Variants in SPOCD1 observed in about 807,000 individuals in gnomAD.
SPOCD1 encodes the protein SPOC domain containing 1, also known as SPOC domain-containing protein 1.
SPOCD1 carries 64 observed loss-of-function variants against 92.2 expected under a neutral mutation model. The observed-to-expected ratio is 0.69, with a 90% CI of 0.57 to 0.86. The LOEUF (loss-of-function observed/expected upper bound fraction) is 0.86. SPOCD1 is among the 40% of genes least tolerant of loss of function. SPOCD1 has a pLI of 0.00. For missense variants in SPOCD1, 1,360 were observed against 1,543.1 expected (o/e 0.88, Z 1.99); for synonymous variants, 578 against 619.3 (o/e 0.93, Z 0.99).
intron 2 of SPOCD1, among the ~76,000 whole-genome samples, chr1:31,809,301 G>C (rs1046353435): frequency 6.6e-6 from 1 of 152,166 alleles, no homozygotes; most frequent in Admixed American, 6.5e-5. Context: ...ACCTAAGTCT[G>C]CTACCATCAA....
chr1:31,798,893 C>T lies in SPOCD1; in HGVS notation c.1869-292G>A, dbSNP rs1046092564. The T allele has an allele frequency of 5.3e-6, 3 of 569,242 alleles. No homozygotes were observed. In the African/African-American group the frequency reaches 5.7e-5, roughly 11 times the overall value. The allele number at this position is 569,242 out of a possible 1,614,324, so 35.3% of individuals were successfully genotyped here. A position where few individuals can be genotyped will look rare whatever the true frequency, so the allele number is the denominator to read the frequency against. ...AAACTCGACTGTCTGACTCACCAGC[C>T]TGTGCCCCGTCTCTGGCTCACGGGA... On this transcript the variant is annotated intron_variant, in intron 7 of 15. Coordinates refer to ENST00000360482, the MANE Select transcript of SPOCD1 (RefSeq NM_144569.7). This position sits in a 1 kb window ranked among gnomAD's most constrained non-coding sequence, Gnocchi z 4.1.
Position 31,792,309 on chromosome 1 carries a change from G to T in SPOCD1, c.2868C>A (p.His956Gln). 1 of 1,613,970 alleles carries T rather than the reference G, an allele frequency of 6.2e-7. No homozygotes were observed. Among genetic ancestry groups the T allele is most frequent in the Non-Finnish European group, 8.5e-7 (1 of 1,180,006 alleles). The change falls in exon 15 of 16, where the codon CAC becomes CAA. Residue 956 changes from histidine (H) to glutamine (Q), a missense_variant. This residue lies in a region of SPOCD1 where 614 missense variants were observed against 757.8 expected (regional missense o/e 0.81). Coordinates refer to ENST00000360482, the MANE Select transcript of SPOCD1 (RefSeq NM_144569.7). ...LYSYLNDRQR[H>Q]GLASVEHMGM... ...CCATGTGCTCCACAGAGGCCAGCCC[G>T]TGGCGCTGCCTATCATTGAGGTATG...
At chr1:31,811,474 T>TAA (rs1010070864) in intron 2 of SPOCD1, among the ~76,000 whole-genome samples, 1 of 136,158 alleles carries the variant, frequency 7.3e-6, no homozygotes, top group Admixed American at 7.3e-5. Context: ...AAAAGTAAAT[T>TAA]AAAAAAAAAA....
At position 31,793,856 on chromosome 1, in the gene SPOCD1, C is replaced by T. The variant is rs780690142; in HGVS notation, c.2425G>A (p.Ala809Thr). 10 of 1,613,992 alleles carry T rather than the reference C, an allele frequency of 6.2e-6. No individual in the cohort carries two copies. Among genetic ancestry groups the T allele is most frequent in the South Asian group, 3.3e-5 (3 of 91,082 alleles). ...AAGATATTGTCCCCGCAGCTCTTGG[C>T]GGCTTCGAAGGAGCCTAGCAGCTCA... The part of the protein sequence containing the change: ...SNELLGSFEA[A>T]KSCGDNIFQK... Residue 809 changes from alanine to threonine, a missense_variant, in exon 12 of 16, where the codon GCC (alanine) becomes ACC (threonine). Transcript: ENST00000360482.
chr1:31,796,458 C>T (rs1358949602), intron 10 of SPOCD1, 132 bp downstream of exon 10: 1 of 1,401,322 alleles, frequency 7.1e-7, no homozygotes, highest in Non-Finnish European at 9.9e-7. Flanking sequence ...GATCGCTGTC[C>T]CCGTTTTATC....
rs1647508493 is a variant in SPOCD1, at chr1:31,790,577, AC to A, written c.*25del. The A allele has an allele frequency of 1.9e-6, 3 of 1,546,950 alleles. No homozygotes were observed. The highest frequency in any genetic ancestry group is 2.6e-6 in the Non-Finnish European group (3 of 1,143,880). ...CTTCAACACTAGTGAGGGCATCAAAACCCCTGTTCTGGTGGGTAAGGAGGGT... is the reference window on the plus strand; with the variant it reads ...CTTCAACACTAGTGAGGGCATCAAAACCCTGTTCTGGTGGGTAAGGAGGGT... On this transcript the variant is annotated 3_prime_UTR_variant, in exon 16 of 16. Coordinates refer to ENST00000360482, the MANE Select transcript of SPOCD1 (RefSeq NM_144569.7).
intron 10 of SPOCD1, 148 bp downstream of exon 10, chr1:31,796,442 G>A (rs956181407): frequency 8.8e-6 from 11 of 1,255,086 alleles, no homozygotes; most frequent in East Asian, 2.5e-5. Context: ...TCCCCTATGC[G>A]TTAAGGATCG....
intron 2 of SPOCD1, among the ~76,000 whole-genome samples, chr1:31,804,481 T>C (rs1047044366): frequency 6.6e-6 from 1 of 152,028 alleles, no homozygotes; most frequent in African/African-American, 2.4e-5. Context: ...AAGCAAAACA[T>C]AAAAAAATAA....
Position 31,810,457 on chromosome 1 carries a change from G to A in SPOCD1, c.1383+3494C>T, listed in dbSNP as rs547080207. ...TAGCCTTGACCTCCTGGAATCAGGT[G>A]ATCCTCTCACCTCAGCCTCCTGGGT... On this transcript the variant is annotated intron_variant, in intron 2 of 15. Coordinates refer to ENST00000360482, the MANE Select transcript of SPOCD1 (RefSeq NM_144569.7). 2.1e-4 allele frequency among the ~76,000 whole-genome samples: 32 copies of A among 151,346 alleles called. No individual in the cohort carries two copies. In the East Asian group the frequency reaches 6.2e-3, roughly 30 times the overall value.
rs1291001042 is a variant in SPOCD1, at chr1:31,794,245, A to C, written c.2272-10T>G. ...TGAACATCTGCGGTCCCTGGGAGGC[A>C]GAAGACAGAGGGGCAGGCTGAAAAC... On this transcript the variant is annotated splice_polypyrimidine_tract_variant and intron_variant, in intron 10 of 15. Coordinates refer to ENST00000360482, the MANE Select transcript of SPOCD1 (RefSeq NM_144569.7). The C allele has an allele frequency of 6.2e-7, 1 of 1,604,106 alleles. No homozygotes were observed. Among genetic ancestry groups the C allele is most frequent in the East Asian group, 2.2e-5 (1 of 44,554 alleles).
chr1:31,796,844 G>A lies in SPOCD1; in HGVS notation c.2146-129C>T, dbSNP rs560549030. 1.2e-4 allele frequency: 153 copies of A among 1,281,756 alleles called. No individual in the cohort carries two copies. The South Asian group carries it at 1.6e-3, about 13-fold the overall frequency. 79.4% of individuals were successfully genotyped at this position (1,281,756 alleles called of 1,614,324 possible). A position where few individuals can be genotyped will look rare whatever the true frequency, so the allele number is the denominator to read the frequency against. ...CCCTCTCCTCAAAACTTTTACTTCC[G>A]CCATACCCCTCCTCTGGGAAGCCCT... On this transcript the variant is annotated intron_variant, in intron 9 of 15. Transcript: ENST00000360482.
chr1:31,815,913 C>G (rs939945075), intron 1 of SPOCD1, 48 bp downstream of exon 1: 3 of 152,376 alleles, frequency 2.0e-5, no homozygotes, highest in African/African-American at 7.2e-5. Flanking sequence ...CTGGGACAGT[C>G]CCCCAGCATC....
chr1:31,814,533 C>T lies in SPOCD1; in HGVS notation c.801G>A (p.Gly267=). 6.5e-7 allele frequency: 1 copy of T among 1,534,110 alleles called. No homozygotes were observed. Among genetic ancestry groups the T allele is most frequent in the South Asian group, 1.3e-5 (1 of 77,670 alleles). ...CCCCACTTCCACCTGGCTCTCCAGG[C>T]CCAGACCCAGTGTCTTTTGGAGAGG... The part of the protein sequence containing the change: ...RPPSPKDTGS[G]PGEPGGSGAG... Residue 267 remains glycine (G), a synonymous_variant, in exon 2 of 16, where the codon GGG becomes GGA. Transcript: ENST00000360482. The surrounding 1 kb of genome is among the most constrained non-coding windows in gnomAD (Gnocchi z 4.2).
Position 31,814,800 on chromosome 1 carries a change from G to C in SPOCD1, c.534C>G (p.Asp178Glu). The change falls in exon 2 of 16, where the codon GAC (aspartate) becomes GAG (glutamate). Residue 178 changes from aspartate to glutamate, a missense_variant. Physicochemically the swap from Asp to Glu is conservative, Grantham distance 45. This residue lies in a region of SPOCD1 where 606 missense variants were observed against 601.5 expected (regional missense o/e 1.01). Transcript: ENST00000360482. The surrounding 1 kb of genome is among the most constrained non-coding windows in gnomAD (Gnocchi z 4.2). ...CTTTGCTGAGTGTGGGGCTTCTTCTGTCACACCCTGGAGAACTCATTCCAC... is the reference window on the plus strand; with the variant it reads ...CTTTGCTGAGTGTGGGGCTTCTTCTCTCACACCCTGGAGAACTCATTCCAC... The part of the protein sequence containing the change: ...RDGGMSSPGC[D>E]RRSPTLSKEE... 6.2e-7 allele frequency: 1 copy of C among 1,613,160 alleles called. No individual in the cohort carries two copies. The highest frequency in any genetic ancestry group is 8.5e-7 in the Non-Finnish European group (1 of 1,179,664).
chr1:31,812,460 A>G (rs899119408), intron 2 of SPOCD1, among the ~76,000 whole-genome samples: 3 of 152,202 alleles, frequency 2.0e-5, no homozygotes, highest in Admixed American at 1.3e-4. Context: ...ACCTTCAAAT[A>G]CTACGGAACT....
At chr1:31,799,376 A>G in intron 7 of SPOCD1, 25 bp downstream of exon 7, 2 of 1,591,548 alleles carry the variant, frequency 1.3e-6, no homozygotes, top group Non-Finnish European at 1.7e-6. Flanking sequence ...TTGGGATGTC[A>G]GGGGAGTGGG....
chr1:31,802,621 G>A (rs1648540700), intron 2 of SPOCD1, among the ~76,000 whole-genome samples: 1 of 152,214 alleles, frequency 6.6e-6, no homozygotes, highest in South Asian at 2.1e-4. Flanking sequence ...TATATTTACA[G>A]ATACATAATA....
At position 31,815,282 on chromosome 1, in the gene SPOCD1, T is replaced by C. The variant is rs764135033; in HGVS notation, c.52A>G (p.Ser18Gly). 7 of 1,590,824 alleles carry C rather than the reference T, an allele frequency of 4.4e-6. No individual in the cohort carries two copies. In the African/African-American group the frequency reaches 6.7e-5, roughly 15 times the overall value. The change falls in exon 2 of 16, where the codon AGT becomes GGT. Residue 18 changes from serine to glycine, a missense_variant. Ser to Gly is a moderately conservative substitution (Grantham distance 56). Around this residue, in one of 3 missense-constraint regions of SPOCD1, gnomAD observed 140 missense variants for 183.8 expected, o/e 0.76. Coordinates refer to ENST00000360482, the MANE Select transcript of SPOCD1 (RefSeq NM_144569.7). The part of the protein sequence containing the change: ...EGPSTGDPVL[S>G]PQHNCELLQN... ...AAAAGCTCACAGTTGTGTTGGGGAC[T>C]GAGCACAGGGTCTCCTGTGCTGGGG...
intron 2 of SPOCD1, among the ~76,000 whole-genome samples, chr1:31,806,139 G>T (rs1455480052): frequency 6.7e-6 from 1 of 150,218 alleles, no homozygotes; most frequent in Non-Finnish European, 1.5e-5. Flanking sequence ...CAAGCAAAAA[G>T]ACAAATCCAC....
Sources: allele counts gnomAD v4.1 joint callset (sites outside exome capture counted in the v4.1 genomes callset), GRCh38; gene constraint gnomAD v4.1.1; regional missense constraint gnomAD v4.1.1; non-coding constraint Gnocchi (gnomAD v3.1); transcripts MANE v1.5; gene names NCBI Gene and HGNC (gene_info 2026-07-23, HGNC 2026-07-21).